SHBG: variants seen among roughly 807,000 people sequenced by gnomAD.
SHBG encodes the protein sex hormone binding globulin, also known as sex hormone-binding globulin.
A neutral mutation model predicts 41.9 loss-of-function variants in SHBG; 37 were observed. That is an observed-to-expected ratio of 0.88 (90% confidence interval 0.68 to 1.16). SHBG has a LOEUF of 1.16. Ranked by LOEUF, SHBG falls within the 50% of genes most tolerant of loss-of-function variation. SHBG has a pLI of 0.00. For synonymous variants in SHBG, 217 were observed against 205.8 expected (o/e 1.05, Z -0.47); for missense variants, 466 against 499.9 (o/e 0.93, Z 0.65).
chr17:7,631,509 A>T lies in SHBG; in HGVS notation c.556-80A>T, dbSNP rs1427593830. 1.9e-6 allele frequency: 3 copies of T among 1,574,516 alleles called. No homozygotes were observed. In the African/African-American group the frequency reaches 4.0e-5, roughly 21 times the overall value. ...AGGCCAAATGCTCAGAGGGGAGTCA[A>T]CTGAGGGCAGGGAGGTCGGGACTGC... is the stretch of plus-strand genomic sequence containing the variant. On this transcript the variant is annotated intron_variant, in intron 4 of 7. Coordinates refer to ENST00000380450, the MANE Select transcript of SHBG (RefSeq NM_001040.5).
At chr17:7,627,461 G>A, upstream of SHBG, 1 of 1,610,966 alleles carries the variant, frequency 6.2e-7, no homozygotes, top group Non-Finnish European at 8.5e-7. This position sits in a 1 kb window ranked among gnomAD's most constrained non-coding sequence, Gnocchi z 4.8. Context: ...GGGCCCCGCT[G>A]CTCCCCGAGC....
chr17:7,631,703 G>A lies in SHBG; in HGVS notation c.670G>A (p.Gly224Arg), dbSNP rs1182086432. 1.3e-5 allele frequency: 21 copies of A among 1,613,930 alleles called. No homozygotes were observed. Among genetic ancestry groups the A allele is most frequent in the Non-Finnish European group, 1.7e-5 (20 of 1,179,966 alleles). Residue 224 changes from glycine (G) to arginine (R), a missense_variant, in exon 5 of 8, where the codon GGG (glycine) becomes AGG (arginine). Gly to Arg is a moderately radical substitution (Grantham distance 125). Transcript: ENST00000380450. ...LRSCDVESNP[G>R]IFLPPGTQAE... ...AAGCTGTGATGTAGAATCAAATCCC[G>A]GGATATTTCTCCCTCCAGGGACTCA...
chr17:7,631,054 G>A (rs1217697072), intron 3 of SHBG, 146 bp from the exon 4 acceptor site: 7 of 960,614 alleles, frequency 7.3e-6, no homozygotes, highest in South Asian at 1.7e-5. Context: ...CAGTATATAA[G>A]TGACAAGAGC....
rs2072421255 is a variant in SHBG at position 7,631,671 on chromosome 17, G to A, written c.638G>A (p.Ser213Asn). 1 of 1,614,150 alleles carries A rather than the reference G, an allele frequency of 6.2e-7. No homozygotes were observed. Among genetic ancestry groups the A allele is most frequent in the Non-Finnish European group, 8.5e-7 (1 of 1,180,006 alleles). ...GAGATCTCAGCATCTGCCCCCACTA[G>A]CCTCAGAAGCTGTGATGTAGAATCA... ...QAEISASAPT[S>N]LRSCDVESNP... is the part of the protein sequence containing the mutation. The change falls in exon 5 of 8, where the codon AGC becomes AAC. Residue 213 changes from serine to asparagine, a missense_variant. Physicochemically the swap from Ser to Asn is conservative, Grantham distance 46. Coordinates refer to ENST00000380450, the MANE Select transcript of SHBG (RefSeq NM_001040.5).
chr17:7,622,122 GGT>G (rs2072109329), intron 1 of SHBG, among the ~76,000 whole-genome samples: 2 of 151,602 alleles, frequency 1.3e-5, no homozygotes. Context: ...TGGGATTACA[GGT>G]GTGAGCCACT....
chr17:7,619,263 G>A (rs904555601), intron 1 of SHBG, among the ~76,000 whole-genome samples: 10 of 151,514 alleles, frequency 6.6e-5, no homozygotes, highest in Non-Finnish European at 2.9e-5. Context: ...GGTGGCACAT[G>A]CCTGTAATCC....
upstream of SHBG, chr17:7,627,631 G>A: frequency 1.2e-6 from 2 of 1,613,928 alleles, no homozygotes; most frequent in East Asian, 2.2e-5. This position sits in a 1 kb window ranked among gnomAD's most constrained non-coding sequence, Gnocchi z 4.8. Flanking sequence ...CCGCACGGAA[G>A]CCATCCGGAT....
chr17:7,615,609 A>G (rs777036321), intron 1 of SHBG, among the ~76,000 whole-genome samples: 2 of 147,334 alleles, frequency 1.4e-5, no homozygotes, highest in Admixed American at 1.4e-4. Flanking sequence ...ACCTGAGGTC[A>G]GGGGTTCGAG....
intron 1 of SHBG, chr17:7,614,180 G>C (rs1375718855): frequency 3.0e-6 from 2 of 659,204 alleles, no homozygotes; most frequent in East Asian, 5.9e-5. Flanking sequence ...CCTGCGGAGC[G>C]GGGAGCGCCA....
At chr17:7,626,537 C>G (rs2072212491), upstream of SHBG, 3 of 1,614,088 alleles carry the variant, frequency 1.9e-6, no homozygotes, top group Non-Finnish European at 2.5e-6. Flanking sequence ...CTCCTAGGGC[C>G]TTGTACAAGT....
upstream of SHBG, chr17:7,627,180 C>T: frequency 6.2e-7 from 1 of 1,614,100 alleles, no homozygotes; most frequent in Non-Finnish European, 8.5e-7. This position sits in a 1 kb window ranked among gnomAD's most constrained non-coding sequence, Gnocchi z 4.8. Flanking sequence ...TCTCTGCTAC[C>T]AAACAGTGAT....
At chr17:7,614,285 G>A (rs1001096819) in intron 1 of SHBG, among the ~76,000 whole-genome samples, 1 of 152,110 alleles carries the variant, frequency 6.6e-6, no homozygotes, top group African/African-American at 2.4e-5. Flanking sequence ...AAGAGGAACA[G>A]GGTTCACTCT....
chr17:7,629,182 G>A (rs1375884815), upstream of SHBG, among the ~76,000 whole-genome samples: 1 of 151,990 alleles, frequency 6.6e-6, no homozygotes, highest in African/African-American at 2.4e-5. Context: ...AGATCAGCCT[G>A]GGCAACGTGG....
At chr17:7,615,271 T>A (rs976645290) in intron 1 of SHBG, among the ~76,000 whole-genome samples, 1 of 151,908 alleles carries the variant, frequency 6.6e-6, no homozygotes, top group African/African-American at 2.4e-5. Context: ...AAGTTAGGGA[T>A]GGGCATGCGC....
In SHBG at chr17:7,631,766, C is replaced by T; in HGVS notation, c.715+18C>T. ...TCTCCGAGGTAGATTTCCTCGGAGT[C>T]TATTTTTCCCACCCTGGCCAGCTCA... On this transcript the variant is annotated intron_variant, in intron 5 of 7. Coordinates refer to ENST00000380450, the MANE Select transcript of SHBG (RefSeq NM_001040.5). 1.9e-6 allele frequency: 3 copies of T among 1,613,750 alleles called. No homozygotes were observed. The highest frequency in any genetic ancestry group is 8.5e-7 in the Non-Finnish European group (1 of 1,179,898).
upstream of SHBG, among the ~76,000 whole-genome samples, chr17:7,624,486 T>A (rs1398913687): frequency 6.6e-6 from 1 of 152,090 alleles, no homozygotes; most frequent in Non-Finnish European, 1.5e-5. Context: ...CCTCAAGTGA[T>A]CTGCCTGCCT....
chr17:7,614,614 CCCCGGAGGAGGA>C, intron 1 of SHBG: 4 of 865,350 alleles, frequency 4.6e-6, no homozygotes, highest in Non-Finnish European at 6.2e-6. Flanking sequence ...CCCGGCGTCT[CCCCGGAGGAGGA>C]GCCGGAGGGG....
At chr17:7,614,181 GGGAGCGCCAAGCCA>G (rs2071911230) in intron 1 of SHBG, 1 of 661,922 alleles carries the variant, frequency 1.5e-6, no homozygotes, top group Non-Finnish European at 2.8e-6. Context: ...CTGCGGAGCG[GGGAGCGCCAAGCCA>G]GGGACAATAA....
Position 7,630,625 on chromosome 17 carries a change from A to G in SHBG, c.204-55A>G. 3.8e-6 allele frequency: 6 copies of G among 1,565,428 alleles called. No individual in the cohort carries two copies. Among genetic ancestry groups the G allele is most frequent in the Middle Eastern group, 3.4e-4 (2 of 5,952 alleles). ...TGAACACCATCTCCCCCAAACCCACACTGGTTCTCAAAGGACACATGACAT... is the reference window on the plus strand; with the variant it reads ...TGAACACCATCTCCCCCAAACCCACGCTGGTTCTCAAAGGACACATGACAT... On this transcript the variant is annotated intron_variant, in intron 2 of 7. Coordinates refer to ENST00000380450, the MANE Select transcript of SHBG (RefSeq NM_001040.5). This position sits in a 1 kb window ranked among gnomAD's most constrained non-coding sequence, Gnocchi z 4.6.
Sources: gnomAD v4.1 joint callset for allele counts (sites outside exome capture counted in the v4.1 genomes callset) on GRCh38, gnomAD v4.1.1 for gene constraint, Gnocchi (gnomAD v3.1) non-coding constraint, MANE v1.5 for transcripts, NCBI Gene and HGNC (gene_info 2026-07-23, HGNC 2026-07-21) for gene names.